NRCAM: variants seen among roughly 807,000 people sequenced by gnomAD.
NRCAM encodes the protein neuronal cell adhesion molecule, also known as NgCAM-related cell adhesion molecule.
A neutral mutation model predicts 156.5 loss-of-function variants in NRCAM; 83 were observed. The ratio of observed to expected loss-of-function variants is 0.53; its 90% confidence interval spans 0.44 to 0.64. The LOEUF (loss-of-function observed/expected upper bound fraction) is 0.64. Among genes scored for constraint, NRCAM ranks in the 30% least tolerant of loss-of-function variants. NRCAM has a pLI of 0.00. For synonymous variants in NRCAM, 538 were observed against 563.9 expected, an observed-to-expected ratio of 0.95 and a Z score of 0.65; for missense variants, 1,417 against 1,597.3, an observed-to-expected ratio of 0.89 and a Z score of 1.92.
chr7:108,209,525 G>T lies in NRCAM; in HGVS notation c.971C>A (p.Thr324Asn). The T allele has an allele frequency of 6.2e-7, 1 of 1,612,020 alleles. No individual in the cohort carries two copies. Among genetic ancestry groups the T allele is most frequent in the Non-Finnish European group, 8.5e-7 (1 of 1,179,230 alleles). Residue 324 changes from threonine to asparagine, a missense_variant, in exon 12 of 33, where the codon ACC (threonine) becomes AAC (asparagine). Thr to Asn is a moderately conservative substitution (Grantham distance 65). Around this residue, in one of 2 missense-constraint regions of NRCAM, gnomAD observed 1,238 missense variants for 1,336.4 expected, o/e 0.93. Transcript: ENST00000379028. ...NRTVYKNFEK[T>N]LQIIHVSEAD... ...TTCTGAAACATGAATGATCTGCAAG[G>T]TTTTCTCAAAGTTCTTATAAACTGT...
intron 1 of NRCAM, among the ~76,000 whole-genome samples, chr7:108,414,168 G>C (rs1798718088): frequency 6.6e-6 from 1 of 152,166 alleles, no homozygotes; most frequent in Admixed American, 6.5e-5. Context: ...AGAGACAGGA[G>C]ACAAGAAGGA....
intron 13 of NRCAM, among the ~76,000 whole-genome samples, chr7:108,204,600 G>A (rs972775315): frequency 3.3e-5 from 5 of 152,226 alleles, no homozygotes; most frequent in Non-Finnish European, 7.3e-5. Flanking sequence ...GAGCGGCCTG[G>A]TGGTGCCGGG....
chr7:108,393,401 A>C (rs1162681653), intron 2 of NRCAM, among the ~76,000 whole-genome samples: 1 of 152,126 alleles, frequency 6.6e-6, no homozygotes, highest in Admixed American at 6.5e-5. Flanking sequence ...TATATAATAT[A>C]AACTGTGTGC....
chr7:108,157,047 G>A (rs2045923920), intron 32 of NRCAM, among the ~76,000 whole-genome samples: 1 of 152,050 alleles, frequency 6.6e-6, no homozygotes, highest in African/African-American at 2.4e-5. Context: ...TGGAATTTTG[G>A]GGAAGTGATT....
chr7:108,173,076 C>A (rs574792612), intron 28 of NRCAM, among the ~76,000 whole-genome samples: 50 of 150,574 alleles, frequency 3.3e-4, no homozygotes, highest in African/African-American at 1.1e-3. Flanking sequence ...ACCTCTACCT[C>A]CTGAGTTCAA....
chr7:108,200,413 C>G (rs2077323203), intron 13 of NRCAM, among the ~76,000 whole-genome samples: 1 of 152,130 alleles, frequency 6.6e-6, no homozygotes, highest in Non-Finnish European at 1.5e-5. Flanking sequence ...GCCATGGACC[C>G]TGAAAACACA....
At chr7:108,273,806 A>G (rs868443170) in intron 3 of NRCAM, among the ~76,000 whole-genome samples, 28 of 152,174 alleles carry the variant, frequency 1.8e-4, no homozygotes, top group African/African-American at 6.8e-4. Flanking sequence ...TTTAGTTATG[A>G]AGTCTTTGCC....
chr7:108,248,445 ATG>A (rs1487520862), intron 3 of NRCAM, among the ~76,000 whole-genome samples: 1 of 152,014 alleles, frequency 6.6e-6, no homozygotes, highest in Non-Finnish European at 1.5e-5. Flanking sequence ...AAGGGTAGTA[ATG>A]CAAGGAGAAG....
intron 1 of NRCAM, among the ~76,000 whole-genome samples, chr7:108,455,732 C>T (rs1391898853): frequency 6.6e-6 from 1 of 152,224 alleles, no homozygotes; most frequent in Non-Finnish European, 1.5e-5. Flanking sequence ...TCCGCAGGGG[C>T]CCGAACAGGC....
intron 2 of NRCAM, among the ~76,000 whole-genome samples, chr7:108,326,713 G>A (rs1002191345): frequency 3.9e-5 from 6 of 152,144 alleles, no homozygotes; most frequent in Non-Finnish European, 5.9e-5. Context: ...ACCTAGGGAA[G>A]GTTTACAGAT....
chr7:108,165,135 C>A (rs2053078846), intron 30 of NRCAM, among the ~76,000 whole-genome samples: 1 of 152,208 alleles, frequency 6.6e-6, no homozygotes, highest in Admixed American at 6.5e-5. Context: ...ATGCAGCCTG[C>A]AGGGGTCCAG....
intron 1 of NRCAM, among the ~76,000 whole-genome samples, chr7:108,441,047 G>A (rs1837950917): frequency 6.6e-6 from 1 of 152,122 alleles, no homozygotes; most frequent in Non-Finnish European, 1.5e-5. Flanking sequence ...TTGTAGGTTT[G>A]TTGTTCTTAA....
intron 11 of NRCAM, among the ~76,000 whole-genome samples, chr7:108,219,792 A>G (rs539996007): frequency 6.6e-6 from 1 of 152,330 alleles, no homozygotes; most frequent in South Asian, 2.1e-4. Flanking sequence ...AAATGGAATA[A>G]GACAAGAATG....
chr7:108,231,167 AAAT>A lies in NRCAM; in HGVS notation c.428-17_428-15del, dbSNP rs762698853. The A allele has an allele frequency of 2.6e-6, 4 of 1,560,006 alleles. No homozygotes were observed. The East Asian group carries it at 9.3e-5, about 36-fold the overall frequency. ...ACAATGGTGATCCTATTAAATAAAA[AAAT>A]AACTTCTCAGTTATTTCTGCATTGA... On this transcript the variant is annotated splice_polypyrimidine_tract_variant and intron_variant, in intron 7 of 32. Coordinates refer to ENST00000379028, the MANE Select transcript of NRCAM (RefSeq NM_001037132.4).
At chr7:108,391,842 T>C (rs1429945177) in intron 2 of NRCAM, among the ~76,000 whole-genome samples, 3 of 152,218 alleles carry the variant, frequency 2.0e-5, no homozygotes, top group African/African-American at 7.2e-5. Context: ...GAAGCCTAGT[T>C]TGGCTGGATA....
intron 2 of NRCAM, among the ~76,000 whole-genome samples, chr7:108,375,093 A>G (rs1292413637): frequency 6.6e-6 from 1 of 152,088 alleles, no homozygotes; most frequent in South Asian, 2.1e-4. Context: ...GTAAGGTTAG[A>G]TTAGTTTCAG....
intron 1 of NRCAM, among the ~76,000 whole-genome samples, chr7:108,437,674 A>C (rs1833866078): frequency 6.6e-6 from 1 of 152,194 alleles, no homozygotes; most frequent in African/African-American, 2.4e-5. Context: ...GTCAATCAAG[A>C]CTATATCCCA....
At chr7:108,150,877 C>A in intron 32 of NRCAM, 1 of 390,450 alleles carries the variant, frequency 2.6e-6, no homozygotes, top group Non-Finnish European at 5.1e-6. Context: ...AACTTAAAAG[C>A]TCTACATTTG....
intron 14 of NRCAM, among the ~76,000 whole-genome samples, chr7:108,196,146 T>C (rs1353520625): frequency 6.6e-6 from 1 of 152,220 alleles, no homozygotes; most frequent in East Asian, 1.9e-4. Flanking sequence ...ATGAGACTTT[T>C]GTCTTATCCC....
Sources: allele counts gnomAD v4.1 joint callset (sites outside exome capture counted in the v4.1 genomes callset), GRCh38; gene constraint gnomAD v4.1.1; regional missense constraint gnomAD v4.1.1; transcripts MANE v1.5; gene names NCBI Gene and HGNC (gene_info 2026-07-23, HGNC 2026-07-21).